Variants in EIF2AK4 observed in about 807,000 individuals in gnomAD.
EIF2AK4 encodes eIF-2-alpha kinase GCN2.
A neutral mutation model predicts 211.1 loss-of-function variants in EIF2AK4; 139 were observed. The ratio of observed to expected loss-of-function variants is 0.66; its 90% confidence interval spans 0.57 to 0.76. EIF2AK4 has a LOEUF of 0.76. EIF2AK4 is among the 30% of genes least tolerant of loss of function. The pLI is 0.00. For missense variants in EIF2AK4, 1,664 were observed against 2,043.8 expected, an observed-to-expected ratio of 0.81 and a Z score of 3.58; for synonymous variants, 710 against 751.3, an observed-to-expected ratio of 0.94 and a Z score of 0.90.
Position 39,976,754 on chromosome 15 carries a change from G to A in EIF2AK4, c.2159G>A (p.Ser720Asn), listed in dbSNP as rs779212473. The A allele has an allele frequency of 6.3e-7, 1 of 1,598,394 alleles. No homozygotes were observed. The change falls in exon 12 of 39, where the codon AGT becomes AAT. Residue 720 changes from serine (S) to asparagine (N), a missense_variant. This residue lies in a region of EIF2AK4 where 206 missense variants were observed against 201.9 expected (regional missense o/e 1.02). Coordinates refer to ENST00000263791, the MANE Select transcript of EIF2AK4 (RefSeq NM_001013703.4). ...AGCACTTCGGGCGAGCGCTCGGCCA[G>A]TGCCCGTTTCCCCGCCACCGGCCCG... ...EWSTSGERSA[S>N]ARFPATGPGS...
rs1420900437 is a variant in EIF2AK4, at chr15:40,016,655, C to T, written c.3913C>T (p.Leu1305Phe). The change falls in exon 28 of 39, where the codon CTC becomes TTC. Residue 1305 changes from leucine (L) to phenylalanine (F), a missense_variant. Transcript: ENST00000263791. Reference sequence around the variant, plus strand: ...GGAGGTTGTTGGACTGTTGAAGAAACTCGGCATCAAGTTACAGGTTTGGCA... The same window carrying T: ...GGAGGTTGTTGGACTGTTGAAGAAATTCGGCATCAAGTTACAGGTTTGGCA... ...LEEVVGLLKK[L>F]GIKLQVLINL... 1.2e-6 allele frequency: 2 copies of T among 1,613,976 alleles called. No individual in the cohort carries two copies. The highest frequency in any genetic ancestry group is 2.7e-5 in the African/African-American group (2 of 74,916).
intron 35 of EIF2AK4, among the ~76,000 whole-genome samples, chr15:40,031,758 C>G (rs1322203837): frequency 6.6e-6 from 1 of 151,384 alleles, no homozygotes; most frequent in Non-Finnish European, 1.5e-5. Flanking sequence ...CAGAGTCTCA[C>G]TCTGTCACCC....
intron 13 of EIF2AK4, among the ~76,000 whole-genome samples, chr15:39,984,110 TC>T (rs1373339627): frequency 3.3e-5 from 5 of 152,348 alleles, no homozygotes; most frequent in Admixed American, 1.3e-4. Context: ...AAATAGGGAA[TC>T]CTTTCCCCAT....
intron 6 of EIF2AK4, among the ~76,000 whole-genome samples, chr15:39,958,997 G>T (rs72729469): frequency 1.3e-5 from 2 of 151,696 alleles, no homozygotes; most frequent in Non-Finnish European, 2.9e-5. Flanking sequence ...ATGTTTCTCT[G>T]TTCTTTTTAA....
At chr15:40,016,159 A>T (rs181932526) in intron 27 of EIF2AK4, among the ~76,000 whole-genome samples, 2 of 152,340 alleles carry the variant, frequency 1.3e-5, no homozygotes, top group East Asian at 3.9e-4. Context: ...AATTCATGAG[A>T]ATAAGAAAGG....
At chr15:40,034,494 C>T (rs199755217) in intron 38 of EIF2AK4, 50 bp downstream of exon 38, 7 of 1,416,056 alleles carry the variant, frequency 4.9e-6, no homozygotes, top group Middle Eastern at 1.9e-4. Context: ...AAATTCAGGG[C>T]GGGGGGTTTC....
chr15:40,019,808 A>C (rs1176619405), intron 30 of EIF2AK4, among the ~76,000 whole-genome samples: 1 of 152,136 alleles, frequency 6.6e-6, no homozygotes, highest in Non-Finnish European at 1.5e-5. Context: ...CATTTTCCTT[A>C]TCTGTAACGT....
chr15:40,011,245 C>T (rs764326629), intron 26 of EIF2AK4, 36 bp from the exon 27 acceptor site: 29 of 1,591,426 alleles, frequency 1.8e-5, no homozygotes, highest in African/African-American at 2.7e-5. Flanking sequence ...TGCCAGATTT[C>T]GCGACTCTCA....
At chr15:39,943,032 T>TC (rs201745854) in intron 2 of EIF2AK4, among the ~76,000 whole-genome samples, 13 of 151,666 alleles carry the variant, frequency 8.6e-5, no homozygotes, top group Non-Finnish European at 1.9e-4. Flanking sequence ...TGGAATGATT[T>TC]TTTTTTTTTT....
intron 24 of EIF2AK4, 21 bp downstream of exon 24, chr15:40,007,086 C>A (rs2035172335): frequency 6.4e-7 from 1 of 1,557,666 alleles, no homozygotes; most frequent in Non-Finnish European, 8.8e-7. Flanking sequence ...ATAGGAGATT[C>A]CATTTGGTAG....
chr15:39,961,751 T>C (rs754767198), intron 6 of EIF2AK4, 33 bp from the exon 7 acceptor site: 8 of 1,516,842 alleles, frequency 5.3e-6, no homozygotes, highest in South Asian at 1.2e-5. Flanking sequence ...GAAAAATGAT[T>C]GTTCAAATGT....
chr15:39,972,026 A>C (rs534105452), intron 9 of EIF2AK4, among the ~76,000 whole-genome samples: 1 of 152,262 alleles, frequency 6.6e-6, no homozygotes, highest in African/African-American at 2.4e-5. Context: ...TTACACCATT[A>C]AACAGTAAGT....
At chr15:39,935,245 C>G (rs1185878032) in intron 1 of EIF2AK4, among the ~76,000 whole-genome samples, 1 of 152,088 alleles carries the variant, frequency 6.6e-6, no homozygotes, top group East Asian at 1.9e-4. Context: ...TTTATACTGA[C>G]AGTTTTTTCC....
intron 9 of EIF2AK4, 139 bp from the exon 10 acceptor site, chr15:39,972,769 A>G: frequency 1.6e-6 from 1 of 639,542 alleles, no homozygotes. Context: ...TTCACCTATG[A>G]GAGTACATTC....
chr15:39,958,492 C>T (rs1443272845), intron 6 of EIF2AK4, among the ~76,000 whole-genome samples: 4 of 152,246 alleles, frequency 2.6e-5, no homozygotes, highest in Middle Eastern at 3.4e-3. Context: ...CTGCTCTCCT[C>T]AAAAAACTTG....
rs751361680 is a variant in EIF2AK4, at chr15:40,019,220, C to T, written c.4173+20C>T. 6.6e-6 allele frequency: 10 copies of T among 1,524,234 alleles called. No individual in the cohort carries two copies. In the South Asian group the frequency reaches 1.1e-4, roughly 17 times the overall value. 94.4% of individuals were successfully genotyped at this position (1,524,234 alleles called of 1,614,324 possible). A position where few individuals can be genotyped will look rare whatever the true frequency, so the allele number is the denominator to read the frequency against. The stretch of plus-strand genomic sequence containing the variant: ...GAATCTGTAAGTTCTGGCTTGGCTT[C>T]CCAGCATACTTCGAGGTGTCTTTCA... On this transcript the variant is annotated intron_variant, in intron 30 of 38. Transcript: ENST00000263791.
chr15:39,980,139 A>G (rs1410455352), intron 13 of EIF2AK4, among the ~76,000 whole-genome samples: 1 of 152,224 alleles, frequency 6.6e-6, no homozygotes, highest in Non-Finnish European at 1.5e-5. Flanking sequence ...TTTCCTAACT[A>G]TTCTTTCAAC....
chr15:39,961,697 A>G (rs1274076518), intron 6 of EIF2AK4, 87 bp from the exon 7 acceptor site: 1 of 1,030,462 alleles, frequency 9.7e-7, no homozygotes, highest in South Asian at 1.5e-5. Flanking sequence ...ATTCTTGCCT[A>G]TGTTAATCTA....
chr15:39,991,011 A>G (rs2034936663), intron 16 of EIF2AK4, among the ~76,000 whole-genome samples: 1 of 152,206 alleles, frequency 6.6e-6, no homozygotes, highest in South Asian at 2.1e-4. Context: ...GCAGTTGAGG[A>G]GTCACTGGAA....
Sources: allele counts gnomAD v4.1 joint callset (sites outside exome capture counted in the v4.1 genomes callset), GRCh38; gene constraint gnomAD v4.1.1; regional missense constraint gnomAD v4.1.1; transcripts MANE v1.5; gene names NCBI Gene and HGNC (gene_info 2026-07-23, HGNC 2026-07-21).